The following GABRG3 variants were observed in gnomAD, a reference collection of about 807,000 sequenced individuals.
GABRG3 encodes the protein gamma-aminobutyric acid receptor subunit gamma-3.
In GABRG3, 25 loss-of-function variants were observed where a neutral mutation model predicts 48.8. The ratio of observed to expected loss-of-function variants is 0.51; its 90% CI spans 0.37 to 0.72. The LOEUF is 0.72. Ranked by LOEUF, GABRG3 falls within the 30% of genes least tolerant of loss-of-function variation. The probability of loss-of-function intolerance (pLI) is 0.00; values close to 1 mark genes in which losing one functional copy is unlikely to be tolerated. For synonymous variants in GABRG3, 227 were observed against 217.6 expected, an observed-to-expected ratio of 1.04 and a Z score of -0.38; for missense variants, 394 against 577.9, an observed-to-expected ratio of 0.68 and a Z score of 3.26.
chr15:27,337,841 C>G (rs1894027696), intron 5 of GABRG3, among the ~76,000 whole-genome samples: 1 of 152,160 alleles, frequency 6.6e-6, no homozygotes, highest in Non-Finnish European at 1.5e-5. Flanking sequence ...AACTAAATCT[C>G]TCACACACAC....
chr15:27,213,621 G>A (rs1296101171), intron 3 of GABRG3, among the ~76,000 whole-genome samples: 1 of 152,230 alleles, frequency 6.6e-6, no homozygotes, highest in Non-Finnish European at 1.5e-5. Flanking sequence ...GGTTTGTTCT[G>A]AGATGCTGGG....
chr15:27,066,452 G>C (rs1896739018), intron 3 of GABRG3, among the ~76,000 whole-genome samples: 1 of 152,156 alleles, frequency 6.6e-6, no homozygotes. Flanking sequence ...AGAAACAATT[G>C]GGACTGCTTT....
chr15:27,120,962 C>T (rs1458634859), intron 3 of GABRG3, among the ~76,000 whole-genome samples: 1 of 152,132 alleles, frequency 6.6e-6, no homozygotes, highest in Non-Finnish European at 1.5e-5. Flanking sequence ...CTTAGTTGAC[C>T]TTAAAATAAC....
chr15:27,260,776 C>T (rs1171312702), intron 3 of GABRG3, among the ~76,000 whole-genome samples: 2 of 152,082 alleles, frequency 1.3e-5, no homozygotes, highest in Non-Finnish European at 2.9e-5. Context: ...AACAGGAAGG[C>T]CAACATAGGG....
Position 27,538,310 on chromosome 15 carries a change from G to T in GABRG3, c.*5429G>T, listed in dbSNP as rs1891595046. ...TAGTTGAACAATCAGTCACTGACAAGTTTTCAATGTTTTGAGTTAACCAAG... is the reference window on the plus strand; with the variant it reads ...TAGTTGAACAATCAGTCACTGACAATTTTTCAATGTTTTGAGTTAACCAAG... On this transcript the variant is annotated 3_prime_UTR_variant, in exon 10 of 10. Transcript: ENST00000615808. The T allele has an allele frequency of 6.6e-6, 1 of 152,134 alleles. No individual in the cohort carries two copies. Among genetic ancestry groups the T allele is most frequent in the Non-Finnish European group, 1.5e-5 (1 of 68,032 alleles). 9.4% of individuals were successfully genotyped at this position (152,134 alleles called of 1,614,324 possible). A position where few individuals can be genotyped will look rare whatever the true frequency, so the allele number is the denominator to read the frequency against.
chr15:27,420,904 G>A (rs923950858), intron 5 of GABRG3, among the ~76,000 whole-genome samples: 1 of 152,194 alleles, frequency 6.6e-6, no homozygotes, highest in Non-Finnish European at 1.5e-5. Flanking sequence ...AAATGTGCTC[G>A]GGGCTTGTGG....
intron 2 of GABRG3, among the ~76,000 whole-genome samples, chr15:27,010,250 C>G (rs961811267): frequency 6.6e-6 from 1 of 152,190 alleles, no homozygotes; most frequent in African/African-American, 2.4e-5. Flanking sequence ...GCCACCCCTC[C>G]TCCATAGGCA....
At chr15:27,167,071 CAT>C in intron 3 of GABRG3, among the ~76,000 whole-genome samples, 1 of 152,294 alleles carries the variant, frequency 6.6e-6, no homozygotes, top group South Asian at 2.1e-4. Flanking sequence ...GGCCCTCTCA[CAT>C]AGAGCAGGGG....
intron 3 of GABRG3, among the ~76,000 whole-genome samples, chr15:27,169,223 A>G (rs1887482584): frequency 6.6e-6 from 1 of 152,208 alleles, no homozygotes. Flanking sequence ...AATTTATCTG[A>G]TTAGTAAAGG....
At chr15:27,309,128 T>G (rs1338620670) in intron 3 of GABRG3, among the ~76,000 whole-genome samples, 1 of 143,376 alleles carries the variant, frequency 7.0e-6, no homozygotes, top group Non-Finnish European at 1.6e-5. Flanking sequence ...ACATATAATG[T>G]AAACATAGAT....
At chr15:27,297,120 A>G (rs1892018193) in intron 3 of GABRG3, among the ~76,000 whole-genome samples, 1 of 152,210 alleles carries the variant, frequency 6.6e-6, no homozygotes, top group Non-Finnish European at 1.5e-5. Flanking sequence ...AAGAAAGCTT[A>G]TAGAATAAGG....
intron 3 of GABRG3, among the ~76,000 whole-genome samples, chr15:27,062,157 A>G (rs1012308052): frequency 1.3e-5 from 2 of 152,074 alleles, no homozygotes; most frequent in African/African-American, 4.8e-5. Flanking sequence ...GCCATCCCAC[A>G]GGACTATTGG....
chr15:27,489,336 C>G (rs1252714125), intron 6 of GABRG3, among the ~76,000 whole-genome samples: 3 of 152,200 alleles, frequency 2.0e-5, no homozygotes, highest in Non-Finnish European at 4.4e-5. Flanking sequence ...CTGCAATAAA[C>G]ATACGTGTGC....
chr15:27,056,591 G>A (rs1896552153), intron 3 of GABRG3, among the ~76,000 whole-genome samples: 1 of 152,036 alleles, frequency 6.6e-6, no homozygotes, highest in Admixed American at 6.5e-5. Flanking sequence ...TGGGGTGTGT[G>A]GAGAGCGTTT....
intron 5 of GABRG3, among the ~76,000 whole-genome samples, chr15:27,370,275 T>C (rs1046557312): frequency 3.3e-5 from 5 of 152,036 alleles, no homozygotes; most frequent in African/African-American, 1.2e-4. Flanking sequence ...TTTAGCAGAG[T>C]AGAAAGGGAA....
chr15:26,972,298 C>G (rs1219533987), intron 1 of GABRG3, among the ~76,000 whole-genome samples: 1 of 152,172 alleles, frequency 6.6e-6, no homozygotes, highest in Non-Finnish European at 1.5e-5. Context: ...ACCTTCCTCC[C>G]AGTACACCAA....
intron 3 of GABRG3, among the ~76,000 whole-genome samples, chr15:27,265,882 G>GTTGTTTTTTTTTTTTTTTTTTTTTTTTTT (rs1890903413): frequency 7.8e-6 from 1 of 127,598 alleles, no homozygotes; most frequent in African/African-American, 3.4e-5. Flanking sequence ...TTTTCTCCTG[G>GTTGTTTTTTTTTTTTTTTTTTTTTTTTTT]TTTTTTTTTT....
At position 27,506,601 on chromosome 15, in the gene GABRG3, A is replaced by G. The variant is rs535505509; in HGVS notation, c.713-13371A>G. 7.9e-5 allele frequency among the ~76,000 whole-genome samples: 12 copies of G among 152,324 alleles called. No homozygotes were observed. The East Asian group carries it at 2.1e-3, about 27-fold the overall frequency. On this transcript the variant is annotated intron_variant, in intron 6 of 9. Transcript: ENST00000615808. ...CAGAAAAGAATGCAGCCCTGCTGGT[A>G]TATGGATTTCACCCTTTTGTGACCC...
intron 5 of GABRG3, among the ~76,000 whole-genome samples, chr15:27,390,552 T>C (rs754865350): frequency 1.9e-4 from 29 of 152,262 alleles, no homozygotes; most frequent in Non-Finnish European, 3.7e-4. Context: ...TGGGAGTCAT[T>C]TTGTCAGGGC....
Sources: allele counts gnomAD v4.1 joint callset (sites outside exome capture counted in the v4.1 genomes callset), GRCh38; gene constraint gnomAD v4.1.1; transcripts MANE v1.5; gene names NCBI Gene and HGNC (gene_info 2026-07-23, HGNC 2026-07-21).